The following PCDH15 variants were observed in gnomAD, a reference collection of about 807,000 sequenced individuals.
PCDH15 encodes the protein protocadherin-15.
Under a neutral mutation model 178.5 loss-of-function variants are expected in PCDH15, and 129 were observed. The ratio of observed to expected loss-of-function variants is 0.72; its 90% CI spans 0.63 to 0.84. The LOEUF (loss-of-function observed/expected upper bound fraction) is 0.84. Ranked by LOEUF, PCDH15 falls within the 40% of genes least tolerant of loss-of-function variation. The pLI is 0.00. For missense variants in PCDH15, 2,230 were observed against 2,099.9 expected, an observed-to-expected ratio of 1.06 and a Z score of -1.21; for synonymous variants, 800 against 732.0, an observed-to-expected ratio of 1.09 and a Z score of -1.50.
intron 9 of PCDH15, among the ~76,000 whole-genome samples, chr10:54,232,920 CTTTCTTTTT>C (rs1320146915): frequency 1.6e-4 from 20 of 126,624 alleles, no homozygotes; most frequent in African/African-American, 6.8e-4. Flanking sequence ...GTTTAGCTTT[CTTTCTTTTT>C]TTTTTTTTTT....
At chr10:54,153,076 T>C (rs1304778781) in intron 14 of PCDH15, 24 bp downstream of exon 14, 10 of 1,613,146 alleles carry the variant, frequency 6.2e-6, no homozygotes, top group African/African-American at 1.3e-5. Context: ...ATGAAAAGAC[T>C]GCATTGGTTC....
At position 54,060,592 on chromosome 10, in the gene PCDH15, C is replaced by T. The variant is rs1054387388; in HGVS notation, c.2220+6165G>A. On this transcript the variant is annotated intron_variant, in intron 18 of 37. Coordinates refer to ENST00000644397, the MANE Select transcript of PCDH15 (RefSeq NM_001384140.1). ...TACTTGAGATGAATTCTATTATTAT[C>T]TCCATTTTGCGATAGCGAAATCCAG... Among the ~76,000 whole-genome samples the T allele has an allele frequency of 8.4e-4, 128 of 152,254 alleles. 1 individual carries two copies. Among genetic ancestry groups the T allele is most frequent in the African/African-American group, 3.1e-3 (127 of 41,566 alleles).
intron 1 of PCDH15, among the ~76,000 whole-genome samples, chr10:55,226,825 T>A (rs1841059526): frequency 6.6e-6 from 1 of 152,058 alleles, no homozygotes; most frequent in South Asian, 2.1e-4. Flanking sequence ...TTGGGGAAAT[T>A]TCCCCAAAAG....
At chr10:55,197,115 G>A (rs556925941) in intron 1 of PCDH15, among the ~76,000 whole-genome samples, 1 of 152,004 alleles carries the variant, frequency 6.6e-6, no homozygotes, top group Non-Finnish European at 1.5e-5. Context: ...AGGCCAGATT[G>A]AAACAATTTT....
rs372892225 is a variant in PCDH15 at position 54,671,222 on chromosome 10, G to A, written c.-28-6932C>T. On this transcript the variant is annotated intron_variant, in intron 1 of 37. Coordinates refer to ENST00000644397, the MANE Select transcript of PCDH15 (RefSeq NM_001384140.1). ...ATCATTTTAAAAAAGAAGCTTGAAA[G>A]AGAGTTCTGTGCAGTGTTATTACCT... Among the ~76,000 whole-genome samples, 17 of 152,280 alleles carry A rather than the reference G, an allele frequency of 1.1e-4. No individual in the cohort carries two copies. In the East Asian group the frequency reaches 1.2e-3, roughly 10 times the overall value.
At chr10:54,618,282 T>C (rs543815849) in intron 2 of PCDH15, among the ~76,000 whole-genome samples, 1 of 152,244 alleles carries the variant, frequency 6.6e-6, no homozygotes, top group South Asian at 2.1e-4. Context: ...CCTAAAGTGA[T>C]ACTTAGGTTA....
intron 2 of PCDH15, among the ~76,000 whole-genome samples, chr10:55,082,762 GA>G (rs1178557940): frequency 2.6e-5 from 4 of 151,808 alleles, no homozygotes; most frequent in Non-Finnish European, 5.9e-5. Context: ...GATAATTAGA[GA>G]CTACTATGAG....
At chr10:54,926,222 T>A (rs1257844118) in intron 2 of PCDH15, among the ~76,000 whole-genome samples, 5 of 152,130 alleles carry the variant, frequency 3.3e-5, no homozygotes, top group Non-Finnish European at 1.5e-5. Context: ...CTTTTTTCAT[T>A]AGTTATTTTT....
chr10:54,962,210 C>T (rs548566048), intron 2 of PCDH15, among the ~76,000 whole-genome samples: 25 of 152,286 alleles, frequency 1.6e-4, no homozygotes, highest in African/African-American at 5.1e-4. Flanking sequence ...AGAGTGGTGA[C>T]GTTTCTGGGA....
intron 2 of PCDH15, among the ~76,000 whole-genome samples, chr10:55,459,615 T>G (rs1839629481): frequency 6.6e-6 from 1 of 151,968 alleles, no homozygotes; most frequent in Admixed American, 6.6e-5. Context: ...CAATGAAAAA[T>G]GGTGGCCATG....
At chr10:54,155,105 G>C (rs2044967470) in intron 13 of PCDH15, among the ~76,000 whole-genome samples, 1 of 152,102 alleles carries the variant, frequency 6.6e-6, no homozygotes, top group South Asian at 2.1e-4. Context: ...CATTCTTCCT[G>C]GGACTTAAAT....
intron 2 of PCDH15, among the ~76,000 whole-genome samples, chr10:54,967,287 A>T (rs1055876878): frequency 2.6e-5 from 4 of 152,128 alleles, no homozygotes; most frequent in African/African-American, 9.7e-5. Flanking sequence ...TGTGTATTAA[A>T]TTGCACATAT....
At chr10:54,524,970 C>A (rs2083236250) in intron 3 of PCDH15, among the ~76,000 whole-genome samples, 1 of 152,170 alleles carries the variant, frequency 6.6e-6, no homozygotes. Context: ...GTTTATGGAT[C>A]TCTGCCTGTT....
intron 1 of PCDH15, among the ~76,000 whole-genome samples, chr10:54,685,380 C>A (rs1384667554): frequency 3.3e-5 from 5 of 152,062 alleles, no homozygotes; most frequent in African/African-American, 9.7e-5. Context: ...GTACTATATA[C>A]TAAGTGTATG....
At chr10:54,332,409 G>T in intron 6 of PCDH15, among the ~76,000 whole-genome samples, 1 of 132,186 alleles carries the variant, frequency 7.6e-6, no homozygotes, top group African/African-American at 2.9e-5. Flanking sequence ...GCAGCTGAAA[G>T]CACTTTGATA....
intron 2 of PCDH15, among the ~76,000 whole-genome samples, chr10:55,328,913 CATATATATATATATATATATATAT>C (rs56104592): frequency 0.013 from 1,433 of 111,334 alleles, 45 homozygotes; most frequent in African/African-American, 0.045. Context: ...TTCACACAAA[CATATATATATATATATATATATAT>C]ATATATATAT....
chr10:54,972,543 A>G (rs1408958613), intron 2 of PCDH15, among the ~76,000 whole-genome samples: 1 of 146,482 alleles, frequency 6.8e-6, no homozygotes, highest in Non-Finnish European at 1.5e-5. Context: ...TTTGTCTCAA[A>G]AAGATTAAAA....
In PCDH15 at chr10:53,921,913, C is replaced by T. The variant is rs117448222; in HGVS notation, c.3373+16902G>A. Among the ~76,000 whole-genome samples the T allele has an allele frequency of 3.5e-3, 537 of 152,240 alleles. 1 individual carries two copies. Among genetic ancestry groups the T allele is most frequent in the Non-Finnish European group, 6.1e-3 (416 of 68,004 alleles). ...TACCTCCCTATTTATGGAAAAGATA[C>T]TGGATTTTTTCCTCCCAAAAGACAT... is the stretch of plus-strand genomic sequence containing the variant. On this transcript the variant is annotated intron_variant, in intron 25 of 37. Coordinates refer to ENST00000644397, the MANE Select transcript of PCDH15 (RefSeq NM_001384140.1).
At chr10:54,990,709 T>C (rs1168045618) in intron 2 of PCDH15, among the ~76,000 whole-genome samples, 1 of 152,112 alleles carries the variant, frequency 6.6e-6, no homozygotes, top group Admixed American at 6.5e-5. Flanking sequence ...TCTGTTGCCA[T>C]TTTAGTCAGT....
Sources: allele counts gnomAD v4.1 joint callset (sites outside exome capture counted in the v4.1 genomes callset), GRCh38; gene constraint gnomAD v4.1.1; transcripts MANE v1.5; gene names NCBI Gene and HGNC (gene_info 2026-07-23, HGNC 2026-07-21).